ZNF721: variants seen among roughly 807,000 people sequenced by gnomAD.
The protein encoded by ZNF721 is zinc finger protein 721.
ZNF721 carries 2 observed loss-of-function variants against 2.4 expected under a neutral mutation model. The ratio of observed to expected loss-of-function variants is 0.82; its 90% CI spans 0.34 to 2.58. ZNF721 has a LOEUF of 2.58. Among genes scored for constraint, ZNF721 ranks in the 30% most tolerant of loss-of-function variants. ZNF721 has a pLI of 0.11. For missense variants in ZNF721, 1,187 were observed against 1,085.5 expected (o/e 1.09, Z -1.31); for synonymous variants, 398 against 381.8 (o/e 1.04, Z -0.50).
intron 2 of ZNF721, among the ~76,000 whole-genome samples, chr4:465,501 G>A (rs1445739986): frequency 2.0e-5 from 3 of 150,470 alleles, no homozygotes; most frequent in African/African-American, 4.9e-5. Context: ...GTGCCATCTC[G>A]GCTTACTGCA....
chr4:450,856 G>A (rs1225160166), intron 2 of ZNF721, among the ~76,000 whole-genome samples: 1 of 146,572 alleles, frequency 6.8e-6, no homozygotes, highest in Non-Finnish European at 1.5e-5. Context: ...AGAATGGCGT[G>A]AACCCAGGAG....
chr4:473,520 GTC>G (rs1208682840), intron 1 of ZNF721, among the ~76,000 whole-genome samples: 2 of 152,118 alleles, frequency 1.3e-5, no homozygotes, highest in Non-Finnish European at 2.9e-5. Flanking sequence ...CCTCACAAAA[GTC>G]TTTTTTTTCA....
In ZNF721 at chr4:443,698, CTT is replaced by C. The variant is rs1553863709; in HGVS notation, c.767_768del (p.Lys256SerfsTer10). The C allele has an allele frequency of 6.2e-7, 1 of 1,614,062 alleles. No homozygotes were observed. The highest frequency in any genetic ancestry group is 1.1e-5 in the South Asian group (1 of 91,072). On this transcript the variant is annotated frameshift_variant, in exon 3 of 3. Coordinates refer to ENST00000511833, the MANE Select transcript of ZNF721 (RefSeq NM_133474.4). LOFTEE classifies it low-confidence loss of function (END_TRUNC). The part of the protein sequence containing the change: ...EKPYKCKECG[K>X]VISSSSSFAK... The stretch of plus-strand genomic sequence containing the variant: ...GCAAAGCTTGAGGATGAGGAAATGA[CTT>C]TGCCACATTCCTTACATTTGTAGGG...
rs1358256623 is a variant in ZNF721 at position 446,381 on chromosome 4, C to CT, written c.35-1950dup. 9.4e-3 allele frequency among the ~76,000 whole-genome samples: 1,268 copies of CT among 135,044 alleles called. 8 individuals carry two copies. Among genetic ancestry groups the CT allele is most frequent in the Middle Eastern group, 0.07 (18 of 256 alleles). The allele number at this position is 135,044 out of a possible 152,430, so 88.6% of individuals were successfully genotyped here. A position where few individuals can be genotyped will look rare whatever the true frequency, so the allele number is the denominator to read the frequency against. ...AGGACAGATGTAATGAGGAAGTTTT[C>CT]TTTTTTTTTTTTTTTTTGAGACAGA... On this transcript the variant is annotated intron_variant, in intron 2 of 2. Transcript: ENST00000511833.
At chr4:481,872 T>C (rs1204101839) in intron 1 of ZNF721, among the ~76,000 whole-genome samples, 1 of 152,244 alleles carries the variant, frequency 6.6e-6, no homozygotes, top group Non-Finnish European at 1.5e-5. Context: ...AAAGAATATT[T>C]GGTAGTAGAC....
rs76800390 is a variant in ZNF721, at chr4:474,482, T to C, written c.-93-1781A>G. ...CACTTGTTCACAAATGGAAACAATATAGTGACAATTATTTTAATATTTTAC... is the reference window on the plus strand; with the variant it reads ...CACTTGTTCACAAATGGAAACAATACAGTGACAATTATTTTAATATTTTAC... On this transcript the variant is annotated intron_variant, in intron 1 of 2. Transcript: ENST00000511833. 6.6e-5 allele frequency among the ~76,000 whole-genome samples: 10 copies of C among 152,216 alleles called. No homozygotes were observed. In the East Asian group the frequency reaches 1.7e-3, roughly 27 times the overall value.
chr4:441,690 A>T lies in ZNF721; in HGVS notation c.*5T>A. The T allele has an allele frequency of 6.3e-7, 1 of 1,596,784 alleles. No individual in the cohort carries two copies. Among genetic ancestry groups the T allele is most frequent in the Non-Finnish European group, 8.5e-7 (1 of 1,170,528 alleles). ...TAGTATGACTTAAAGGCTTTGCCAC[A>T]TTCTTTACACTTGTATGGTTTTATC... On this transcript the variant is annotated 3_prime_UTR_variant, in exon 3 of 3. Coordinates refer to ENST00000511833, the MANE Select transcript of ZNF721 (RefSeq NM_133474.4).
intron 1 of ZNF721, among the ~76,000 whole-genome samples, chr4:494,326 C>T (rs1320259545): frequency 6.6e-6 from 1 of 151,524 alleles, no homozygotes; most frequent in Non-Finnish European, 1.5e-5. Context: ...GGACTACAGG[C>T]GCCCGCCACC....
chr4:471,223 A>G (rs1214652096), intron 2 of ZNF721, among the ~76,000 whole-genome samples: 1 of 152,224 alleles, frequency 6.6e-6, no homozygotes, highest in Non-Finnish European at 1.5e-5. Flanking sequence ...TGGACATATC[A>G]TATAATCCAG....
rs944015111 is a variant in ZNF721, at chr4:440,656, G to A, written c.*1039C>T. The A allele has an allele frequency of 6.6e-6, 1 of 152,038 alleles. No homozygotes were observed. Among genetic ancestry groups the A allele is most frequent in the Non-Finnish European group, 1.5e-5 (1 of 68,016 alleles). 9.4% of individuals were successfully genotyped at this position (152,038 alleles called of 1,614,324 possible). A position where few individuals can be genotyped will look rare whatever the true frequency, so the allele number is the denominator to read the frequency against. On this transcript the variant is annotated 3_prime_UTR_variant, in exon 3 of 3. Transcript: ENST00000511833. Reference sequence around the variant, plus strand: ...ATTATATTCTAGTAAAAATTCTCTGGTGTTTCTTTTCTTTTTATCTTGTTT... The same window carrying A: ...ATTATATTCTAGTAAAAATTCTCTGATGTTTCTTTTCTTTTTATCTTGTTT...
intron 1 of ZNF721, among the ~76,000 whole-genome samples, chr4:494,893 A>ATTT (rs34855684): frequency 8.1e-4 from 113 of 139,386 alleles, no homozygotes; most frequent in African/African-American, 2.7e-3. Context: ...CAGTGCACTT[A>ATTT]TTTTTTTTTT....
chr4:443,434 A>G lies in ZNF721; in HGVS notation c.1033T>C (p.Ser345Pro). 6.2e-7 allele frequency: 1 copy of G among 1,612,078 alleles called. No homozygotes were observed. Among genetic ancestry groups the G allele is most frequent in the Middle Eastern group, 1.7e-4 (1 of 6,056 alleles). The change falls in exon 3 of 3, where the codon TCC becomes CCC. Residue 345 changes from serine to proline, a missense_variant. Physicochemically the swap from Ser to Pro is moderately conservative, Grantham distance 74 (BLOSUM62 -1). Transcript: ENST00000511833. ...CTCCTATGTACGTAAAGGTTTGCGG[A>G]CTGTCTAAAGGTTTTGCCACATTCT... ...CGECGKTFRQ[S>P]ANLYVHRRIH...
Position 443,715 on chromosome 4 carries a change from C to T in ZNF721, c.752G>A (p.Cys251Tyr), listed in dbSNP as rs1553863713. ...KIHTGEKPYK[C>Y]KECGKVISSS... ...GGAAATGACTTTGCCACATTCCTTA[C>T]ATTTGTAGGGTTTCTCTCCAGTATG... The change falls in exon 3 of 3, where the codon TGT becomes TAT. Residue 251 changes from cysteine (C) to tyrosine (Y), a missense_variant. Coordinates refer to ENST00000511833, the MANE Select transcript of ZNF721 (RefSeq NM_133474.4). 1.2e-6 allele frequency: 2 copies of T among 1,614,122 alleles called. No homozygotes were observed. Among genetic ancestry groups the T allele is most frequent in the East Asian group, 2.2e-5 (1 of 44,874 alleles).
At chr4:458,192 C>T (rs781918413) in intron 2 of ZNF721, among the ~76,000 whole-genome samples, 1 of 152,218 alleles carries the variant, frequency 6.6e-6, no homozygotes, top group Non-Finnish European at 1.5e-5. Flanking sequence ...CTTTTTTCCT[C>T]AGTGCCAGTC....
At chr4:487,524 T>A (rs534690813) in intron 1 of ZNF721, among the ~76,000 whole-genome samples, 2 of 152,278 alleles carry the variant, frequency 1.3e-5, no homozygotes, top group South Asian at 4.1e-4. Context: ...CCTGAGCTAG[T>A]ATGTTTTGGG....
At chr4:449,375 G>GA (rs1714577678) in intron 2 of ZNF721, among the ~76,000 whole-genome samples, 4 of 151,826 alleles carry the variant, frequency 2.6e-5, no homozygotes, top group Admixed American at 2.6e-4. Context: ...ATGGTGCTAG[G>GA]AAAATTATCT....
chr4:445,738 G>A (rs1008516046), intron 2 of ZNF721, among the ~76,000 whole-genome samples: 3 of 152,078 alleles, frequency 2.0e-5, no homozygotes, highest in African/African-American at 4.8e-5. Flanking sequence ...AAAAAAGGAT[G>A]TAATAAATGA....
intron 2 of ZNF721, 35 bp downstream of exon 2, chr4:472,540 G>T (rs782205287): frequency 1.3e-6 from 2 of 1,576,198 alleles, no homozygotes; most frequent in Non-Finnish European, 1.7e-6. Context: ...AACTCAGAGG[G>T]AGTATTAGGA....
At chr4:457,825 T>C (rs1283217566) in intron 2 of ZNF721, among the ~76,000 whole-genome samples, 5 of 152,226 alleles carry the variant, frequency 3.3e-5, no homozygotes, top group African/African-American at 1.2e-4. Flanking sequence ...TGTGCCCCTG[T>C]AGGCATGCTG....
Sources: allele counts gnomAD v4.1 joint callset (sites outside exome capture counted in the v4.1 genomes callset), GRCh38; gene constraint gnomAD v4.1.1; transcripts MANE v1.5; gene names NCBI Gene and HGNC (gene_info 2026-07-23, HGNC 2026-07-21).